MIER2: variants seen among roughly 807,000 people sequenced by gnomAD.
MIER2 encodes mesoderm induction early response protein 2.
MIER2 carries 30 observed loss-of-function variants against 67.6 expected under a neutral mutation model. The observed-to-expected ratio is 0.44, with a 90% CI of 0.33 to 0.60. The LOEUF (loss-of-function observed/expected upper bound fraction) is 0.60. MIER2 is among the 20% of genes least tolerant of loss of function. The pLI is 0.02. For missense variants in MIER2, 702 were observed against 745.1 expected (o/e 0.94, Z 0.67); for synonymous variants, 372 against 312.6 (o/e 1.19, Z -2.00).
Position 307,258 on chromosome 19 carries a change from G to A in MIER2, c.1477C>T (p.Pro493Ser). ...TGTGCTGGGGCCACAGTCTCCTCCGGATCCCCGCTGAGGTCCACATGGCTG... is the reference window on the plus strand; with the variant it reads ...TGTGCTGGGGCCACAGTCTCCTCCGAATCCCCGCTGAGGTCCACATGGCTG... The part of the protein sequence containing the change: ...ISSHVDLSGD[P>S]EETVAPAQVA... Residue 493 changes from proline (P) to serine (S), a missense_variant, in exon 13 of 14, where the codon CCG becomes TCG. By Grantham distance (74) the Pro-to-Ser change is moderately conservative (BLOSUM62 -1). Transcript: ENST00000264819. 6.3e-7 allele frequency: 1 copy of A among 1,596,000 alleles called. No homozygotes were observed. The highest frequency in any genetic ancestry group is 2.3e-5 in the East Asian group (1 of 44,022).
chr19:339,918 A>C (rs1341761745), intron 1 of MIER2, among the ~76,000 whole-genome samples: 1 of 152,184 alleles, frequency 6.6e-6, no homozygotes, highest in African/African-American at 2.4e-5. Flanking sequence ...AACTGGGTGA[A>C]TACACTAACA....
chr19:344,749 C>A, intron 1 of MIER2, 25 bp downstream of exon 1: 1 of 1,170,986 alleles, frequency 8.5e-7, no homozygotes, highest in Non-Finnish European at 1.1e-6. Flanking sequence ...GGCGGGGGGC[C>A]GGCTCCCCCG....
At chr19:331,997 A>T (rs1972048835) in intron 3 of MIER2, among the ~76,000 whole-genome samples, 2 of 152,184 alleles carry the variant, frequency 1.3e-5, no homozygotes, top group Non-Finnish European at 2.9e-5. Flanking sequence ...ATAAAAAGAC[A>T]GAAGCTGGAT....
intron 10 of MIER2, among the ~76,000 whole-genome samples, chr19:310,638 C>T (rs923194445): frequency 1.3e-4 from 19 of 146,404 alleles, no homozygotes; most frequent in African/African-American, 3.6e-4. Flanking sequence ...GCTATAGAAA[C>T]AGCCCAGAGT....
At chr19:336,605 G>A (rs1025000454) in intron 1 of MIER2, among the ~76,000 whole-genome samples, 1 of 152,182 alleles carries the variant, frequency 6.6e-6, no homozygotes, top group African/African-American at 2.4e-5. Flanking sequence ...GCTCGTGGGG[G>A]CCAGGAGCCA....
At chr19:318,427 A>G (rs1027871799) in intron 7 of MIER2, among the ~76,000 whole-genome samples, 5 of 152,222 alleles carry the variant, frequency 3.3e-5, no homozygotes, top group Non-Finnish European at 7.3e-5. Context: ...CTTAACGTGT[A>G]TGCACTTAAC....
intron 7 of MIER2, among the ~76,000 whole-genome samples, chr19:315,330 A>G (rs1052041998): frequency 1.3e-5 from 2 of 152,236 alleles, no homozygotes; most frequent in Non-Finnish European, 2.9e-5. Flanking sequence ...GCGCCACTGC[A>G]CTCCAGCCTG....
chr19:308,512 G>C lies in MIER2; in HGVS notation c.1198+65C>G. 6.7e-7 allele frequency: 1 copy of C among 1,482,352 alleles called. No homozygotes were observed. The highest frequency in any genetic ancestry group is 9.1e-7 in the Non-Finnish European group (1 of 1,096,188). 91.8% of individuals were successfully genotyped at this position (1,482,352 alleles called of 1,614,324 possible). On this transcript the variant is annotated intron_variant, in intron 12 of 13. Coordinates refer to ENST00000264819, the MANE Select transcript of MIER2 (RefSeq NM_017550.3). The surrounding 1 kb of genome is among the most constrained non-coding windows in gnomAD (Gnocchi z 9.1). ...GGCGCCAGGCAGGAGAGGCTCCACC[G>C]GGCCTCACTCACGGCTCCAGACCCG... is the stretch of plus-strand genomic sequence containing the variant.
Position 328,003 on chromosome 19 carries a change from G to C in MIER2, c.244-14C>G, listed in dbSNP as rs200995631. The C allele has an allele frequency of 2.5e-6, 4 of 1,612,866 alleles. No homozygotes were observed. Among genetic ancestry groups the C allele is most frequent in the Non-Finnish European group, 3.4e-6 (4 of 1,179,492 alleles). ...CATGTCGTTGCTCTGAGTTGGGGAA[G>C]GGAACAAGGCCCCATCAGGAGGGAC... On this transcript the variant is annotated splice_polypyrimidine_tract_variant and intron_variant, in intron 3 of 13. Transcript: ENST00000264819.
At chr19:337,958 G>A (rs1295219481) in intron 1 of MIER2, among the ~76,000 whole-genome samples, 1 of 150,370 alleles carries the variant, frequency 6.7e-6, no homozygotes, top group East Asian at 2.0e-4. Context: ...CAGATCACGA[G>A]GTCAGCAGAT....
At chr19:310,148 A>G (rs116226893) in intron 10 of MIER2, among the ~76,000 whole-genome samples, 1 of 152,296 alleles carries the variant, frequency 6.6e-6, no homozygotes, top group African/African-American at 2.4e-5. Context: ...CAACACCTCC[A>G]ACATCTCCAC....
At chr19:313,385 C>T (rs1303519801) in intron 8 of MIER2, 107 bp downstream of exon 8, 8 of 1,516,100 alleles carry the variant, frequency 5.3e-6, no homozygotes, top group Non-Finnish European at 8.8e-7. Flanking sequence ...CACCTGACCC[C>T]TGCCCTCCCC....
intron 3 of MIER2, among the ~76,000 whole-genome samples, chr19:328,860 T>C (rs1045829747): frequency 2.6e-5 from 4 of 152,212 alleles, no homozygotes; most frequent in African/African-American, 7.2e-5. Context: ...CCCATCACGA[T>C]CTGGAACAAG....
intron 4 of MIER2, 145 bp from the exon 5 acceptor site, chr19:327,401 T>C: frequency 9.0e-7 from 1 of 1,105,940 alleles, no homozygotes; most frequent in South Asian, 1.5e-5. Flanking sequence ...GTGCACAGCG[T>C]GGGGGGAGCG....
intron 8 of MIER2, 43 bp from the exon 9 acceptor site, chr19:312,315 G>A (rs1176173237): frequency 3.1e-6 from 5 of 1,590,268 alleles, no homozygotes; most frequent in Non-Finnish European, 4.3e-6. Context: ...CTCAGCGCAG[G>A]AGCCGACAGC....
intron 7 of MIER2, among the ~76,000 whole-genome samples, chr19:322,980 CA>C (rs1458164535): frequency 2.0e-5 from 3 of 151,276 alleles, no homozygotes; most frequent in African/African-American, 7.3e-5. Context: ...ACAAGAGACT[CA>C]AAAACCATGG....
chr19:331,374 A>AT (rs1972017121), intron 3 of MIER2, among the ~76,000 whole-genome samples: 1 of 151,596 alleles, frequency 6.6e-6, no homozygotes, highest in Non-Finnish European at 1.5e-5. Context: ...AAAAAAAAAA[A>AT]GACAGAAACT....
At chr19:344,747 G>T (rs888119155) in intron 1 of MIER2, 27 bp downstream of exon 1, 3 of 1,166,658 alleles carry the variant, frequency 2.6e-6, no homozygotes, top group Non-Finnish European at 3.2e-6. Flanking sequence ...GGGGCGGGGG[G>T]CCGGCTCCCC....
chr19:332,377 A>G (rs1972067013), intron 3 of MIER2, among the ~76,000 whole-genome samples: 1 of 152,160 alleles, frequency 6.6e-6, no homozygotes, highest in East Asian at 1.9e-4. Context: ...ATCTCGGCTC[A>G]CTGCAACCTC....
Sources: allele counts gnomAD v4.1 joint callset (sites outside exome capture counted in the v4.1 genomes callset), GRCh38; gene constraint gnomAD v4.1.1; non-coding constraint Gnocchi (gnomAD v3.1); transcripts MANE v1.5; gene names NCBI Gene and HGNC (gene_info 2026-07-23, HGNC 2026-07-21).